Variants in ADAMTSL1 observed in about 807,000 individuals in gnomAD.
ADAMTSL1 encodes the protein ADAMTS-like protein 1.
A neutral mutation model predicts 201.8 loss-of-function variants in ADAMTSL1; 126 were observed. The ratio of observed to expected loss-of-function variants is 0.62; its 90% CI spans 0.54 to 0.72. The LOEUF (loss-of-function observed/expected upper bound fraction) is 0.72. ADAMTSL1 is among the 30% of genes least tolerant of loss of function. The pLI is 0.00. For synonymous variants in ADAMTSL1, 1,121 were observed against 903.4 expected, an observed-to-expected ratio of 1.24 and a Z score of -4.32; for missense variants, 2,679 against 2,277.8, an observed-to-expected ratio of 1.18 and a Z score of -3.59.
At chr9:18,331,706 C>T (rs970438419) in intron 2 of ADAMTSL1, among the ~76,000 whole-genome samples, 3 of 152,168 alleles carry the variant, frequency 2.0e-5, no homozygotes, top group Non-Finnish European at 2.9e-5. Flanking sequence ...TGCCACCTTT[C>T]CTTTCTATCT....
intron 1 of ADAMTSL1, among the ~76,000 whole-genome samples, chr9:17,945,885 G>T (rs1012670167): frequency 4.0e-5 from 6 of 151,188 alleles, no homozygotes; most frequent in African/African-American, 1.2e-4. Context: ...GTTAATGGGT[G>T]CAGCACACCA....
chr9:18,399,899 T>C (rs1181272209), intron 2 of ADAMTSL1, among the ~76,000 whole-genome samples: 1 of 152,108 alleles, frequency 6.6e-6, no homozygotes, highest in East Asian at 1.9e-4. Flanking sequence ...TTATAGGCAA[T>C]AACTCAGGAA....
At chr9:18,150,081 G>A (rs1826841507) in intron 1 of ADAMTSL1, among the ~76,000 whole-genome samples, 1 of 152,000 alleles carries the variant, frequency 6.6e-6, no homozygotes, top group African/African-American at 2.4e-5. Context: ...GTTTAATAAT[G>A]CTTAATAGGC....
Position 18,468,793 on chromosome 9 carries a change from G to C in ADAMTSL1, c.208-36036G>C, listed in dbSNP as rs112868063. ...GACTGGGGTCACAGATTTTAACCAA[G>C]CACCTACAGTATGAGAAGCCCTGAA... On this transcript the variant is annotated intron_variant, in intron 2 of 29. Coordinates refer to the ADAMTSL1 transcript ENST00000680146. Among the ~76,000 whole-genome samples the C allele has an allele frequency of 4.2e-3, 639 of 152,278 alleles. 7 individuals carry two copies. Among genetic ancestry groups the C allele is most frequent in the African/African-American group, 0.015 (608 of 41,562 alleles).
At chr9:18,584,367 G>GC (rs112790269) in intron 4 of ADAMTSL1, among the ~76,000 whole-genome samples, 37,787 of 151,468 alleles carry the variant, frequency 0.25, 4,955 homozygotes, top group African/African-American at 0.28. Context: ...TGATTGTGAG[G>GC]CCCCCCCCAG....
At chr9:18,103,839 A>G (rs187745324) in intron 1 of ADAMTSL1, among the ~76,000 whole-genome samples, 201 of 152,330 alleles carry the variant, frequency 1.3e-3, no homozygotes, top group South Asian at 0.012. Context: ...TCTGTGGAGC[A>G]CTAGACCCAT....
intron 5 of ADAMTSL1, among the ~76,000 whole-genome samples, chr9:18,624,091 C>G (rs1252137643): frequency 6.6e-6 from 1 of 152,092 alleles, no homozygotes; most frequent in Non-Finnish European, 1.5e-5. Flanking sequence ...AGAATGGGGA[C>G]TTACAAACAC....
chr9:18,556,525 C>A (rs564517764), intron 3 of ADAMTSL1, among the ~76,000 whole-genome samples: 1 of 151,924 alleles, frequency 6.6e-6, no homozygotes, highest in Non-Finnish European at 1.5e-5. Flanking sequence ...GGAAAATTGA[C>A]TTTGGAGCCT....
intron 23 of ADAMTSL1, among the ~76,000 whole-genome samples, chr9:18,886,209 T>C (rs3955230): frequency 0.018 from 2,177 of 117,832 alleles, 101 homozygotes; most frequent in African/African-American, 0.075. Context: ...TATATATATA[T>C]ATACACACAC....
In ADAMTSL1 at chr9:18,601,194, T is replaced by G. The variant is rs568796057; in HGVS notation, c.475-21049T>G. On this transcript the variant is annotated intron_variant, in intron 4 of 28. Transcript: ENST00000380548. Reference sequence around the variant, plus strand: ...AAATACATATACTCTATTTTAGGATTCTTTTGGTTACAAGCAATAGAAATT... The same window carrying G: ...AAATACATATACTCTATTTTAGGATGCTTTTGGTTACAAGCAATAGAAATT... Among the ~76,000 whole-genome samples the G allele has an allele frequency of 4.7e-4, 72 of 152,332 alleles. 2 individuals carry two copies. The highest frequency in any genetic ancestry group is 1.7e-3 in the African/African-American group (70 of 41,574).
At chr9:18,082,594 C>T (rs1212884327) in intron 1 of ADAMTSL1, among the ~76,000 whole-genome samples, 2 of 152,300 alleles carry the variant, frequency 1.3e-5, no homozygotes, top group Non-Finnish European at 2.9e-5. Context: ...TCACTTGCCT[C>T]CTCTTCAAGC....
intron 1 of ADAMTSL1, among the ~76,000 whole-genome samples, chr9:18,019,553 CTAAGAAGAT>C (rs977128050): frequency 2.0e-5 from 3 of 152,068 alleles, no homozygotes; most frequent in African/African-American, 7.2e-5. Flanking sequence ...AGTAGGGCCT[CTAAGAAGAT>C]TAAGACTGTG....
At chr9:18,164,945 A>C (rs1477178421) in intron 2 of ADAMTSL1, among the ~76,000 whole-genome samples, 2 of 151,854 alleles carry the variant, frequency 1.3e-5, no homozygotes, top group Non-Finnish European at 2.9e-5. Flanking sequence ...CATGGTGAGC[A>C]TTCACATCTT....
At chr9:18,761,876 T>C (rs758176581) in intron 16 of ADAMTSL1, among the ~76,000 whole-genome samples, 5 of 152,350 alleles carry the variant, frequency 3.3e-5, no homozygotes, top group Non-Finnish European at 7.3e-5. Flanking sequence ...CTCAGCTAGA[T>C]GGCTGCCTCC....
chr9:18,688,902 A>G (rs1357971825), intron 13 of ADAMTSL1, among the ~76,000 whole-genome samples: 2 of 151,074 alleles, frequency 1.3e-5, no homozygotes, highest in Non-Finnish European at 2.9e-5. Flanking sequence ...TGCTAGTACT[A>G]GAAAAGGGGG....
At chr9:18,553,084 A>T (rs1820884366) in intron 3 of ADAMTSL1, among the ~76,000 whole-genome samples, 1 of 150,660 alleles carries the variant, frequency 6.6e-6, no homozygotes, top group Admixed American at 6.6e-5. Flanking sequence ...TCTTCCATCT[A>T]TTTGCTGTCA....
intron 1 of ADAMTSL1, among the ~76,000 whole-genome samples, chr9:17,998,128 A>G (rs1201401541): frequency 1.3e-5 from 2 of 152,116 alleles, no homozygotes; most frequent in African/African-American, 4.8e-5. Context: ...GCTAAAAAAA[A>G]GCCAATTTAA....
chr9:18,475,503 A>G lies in ADAMTSL1; in HGVS notation c.63+1208A>G, dbSNP rs75773341. 5.6e-3 allele frequency among the ~76,000 whole-genome samples: 857 copies of G among 152,330 alleles called. 9 individuals carry two copies. The highest frequency in any genetic ancestry group is 0.02 in the African/African-American group (811 of 41,570). ...GCATCATTGTAGCTAAGAAATTATA[A>G]TGCTGCATTGCAAGTGCTATAAATA... On this transcript the variant is annotated intron_variant, in intron 1 of 28. Coordinates refer to ENST00000380548, the MANE Select transcript of ADAMTSL1 (RefSeq NM_001040272.6).
intron 2 of ADAMTSL1, among the ~76,000 whole-genome samples, chr9:18,175,397 A>G (rs995451910): frequency 1.3e-5 from 2 of 152,182 alleles, no homozygotes; most frequent in Non-Finnish European, 2.9e-5. Context: ...AATATTGGTA[A>G]CGATTAATAT....
Sources: allele counts gnomAD v4.1 joint callset (sites outside exome capture counted in the v4.1 genomes callset), GRCh38; gene constraint gnomAD v4.1.1; transcripts MANE v1.5; gene names NCBI Gene and HGNC (gene_info 2026-07-23, HGNC 2026-07-21).